The following QNG1 variants were observed in gnomAD, a reference collection of about 807,000 sequenced individuals.
The protein encoded by QNG1 is Q-nucleotide N-glycosylase 1, also known as queuosine 5'-phosphate N-glycosylase/hydrolase.
At chr9:83,951,677 A>G in the QNG1 span, among the ~76,000 whole-genome samples, 8 of 152,236 alleles carry the variant, frequency 5.3e-5, no homozygotes, top group African/African-American at 1.7e-4. Flanking sequence ...GTCATAAGAA[A>G]GCCAATTTGC....
the QNG1 span, among the ~76,000 whole-genome samples, chr9:83,948,125 G>A: frequency 1.1e-4 from 17 of 148,610 alleles, no homozygotes; most frequent in African/African-American, 4.0e-4. Context: ...CTGCCCCGCC[G>A]CCCCGTCTGG....
chr9:83,948,085 T>C, the QNG1 span, among the ~76,000 whole-genome samples: 1 of 144,558 alleles, frequency 6.9e-6, no homozygotes, highest in Non-Finnish European at 1.5e-5. Context: ...TCTGCCCGGC[T>C]GCCCATCGTC....
the QNG1 span, among the ~76,000 whole-genome samples, chr9:83,943,953 G>A: frequency 6.6e-6 from 1 of 152,066 alleles, no homozygotes. Flanking sequence ...CCTGGGAGGC[G>A]GAGCTTGCAG....
At chr9:83,956,346 A>G in the QNG1 span, 1 of 1,612,534 alleles carries the variant, frequency 6.2e-7, no homozygotes, top group Non-Finnish European at 8.5e-7. Context: ...CAGCTCATGA[A>G]GGGCTTTCCA....
the QNG1 span, among the ~76,000 whole-genome samples, chr9:83,941,537 G>A: frequency 6.6e-6 from 1 of 152,108 alleles, no homozygotes; most frequent in African/African-American, 2.4e-5. Context: ...GCTGCAGTGA[G>A]TTATGATCAT....
At chr9:83,956,407 C>A in the QNG1 span, 1 of 1,595,264 alleles carries the variant, frequency 6.3e-7, no homozygotes, top group South Asian at 1.1e-5. Context: ...AGCAGCTCTG[C>A]CACCCTCCGT....
At chr9:83,956,391 G>A in the QNG1 span, 9 of 1,601,478 alleles carry the variant, frequency 5.6e-6, no homozygotes, top group Admixed American at 1.4e-4. Context: ...CGCCGCCTTG[G>A]CCAGCAGCAG....
the QNG1 span, among the ~76,000 whole-genome samples, chr9:83,945,757 C>T: frequency 3.9e-5 from 6 of 152,030 alleles, no homozygotes; most frequent in East Asian, 2.0e-4. Context: ...GCCGTCACCA[C>T]GCCCGGCTAA....
At chr9:83,939,057 TTTG>T in the QNG1 span, 1,817 of 171,252 alleles carry the variant, frequency 0.011, 25 homozygotes, top group African/African-American at 0.037. Flanking sequence ...CCTAGGAAGT[TTTG>T]TTGTTGTTGT....
chr9:83,953,423 C>T, the QNG1 span, among the ~76,000 whole-genome samples: 1 of 151,032 alleles, frequency 6.6e-6, no homozygotes, highest in Non-Finnish European at 1.5e-5. Flanking sequence ...TCTCAGCTCA[C>T]TGCAACCTTC....
chr9:83,956,545 C>G, the QNG1 span: 1 of 1,488,370 alleles, frequency 6.7e-7, no homozygotes, highest in Non-Finnish European at 9.0e-7. Context: ...CCGCCCTAGG[C>G]GGGTCAAGGT....
chr9:83,942,746 G>T, the QNG1 span, among the ~76,000 whole-genome samples: 1 of 152,180 alleles, frequency 6.6e-6, no homozygotes, highest in Non-Finnish European at 1.5e-5. Context: ...AGTGGCAAAA[G>T]AATTTGTCCA....
At chr9:83,940,849 C>G in the QNG1 span, among the ~76,000 whole-genome samples, 5,019 of 152,224 alleles carry the variant, frequency 0.033, 263 homozygotes, top group African/African-American at 0.11. Context: ...TACTTATGCC[C>G]CCTCCATCCA....
the QNG1 span, chr9:83,953,826 ATCATTTGT>A: frequency 4.5e-6 from 7 of 1,547,836 alleles, no homozygotes; most frequent in Non-Finnish European, 6.1e-6. Context: ...CAAAATGATC[ATCATTTGT>A]TCAAGTACAC....
chr9:83,953,696 C>T, the QNG1 span: 1 of 828,298 alleles, frequency 1.2e-6, no homozygotes, highest in Non-Finnish European at 1.9e-6. Flanking sequence ...CCAGCTCTGT[C>T]ACCCAGGCTG....
At chr9:83,946,040 C>T in the QNG1 span, among the ~76,000 whole-genome samples, 36 of 152,114 alleles carry the variant, frequency 2.4e-4, 1 homozygote, top group African/African-American at 8.4e-4. Flanking sequence ...GGCATGGTGG[C>T]TCACGCCTGT....
chr9:83,947,559 G>A, the QNG1 span, among the ~76,000 whole-genome samples: 2 of 152,312 alleles, frequency 1.3e-5, no homozygotes, highest in South Asian at 4.1e-4. Context: ...TCCCTCTGAT[G>A]CCGAGGGGAG....
the QNG1 span, chr9:83,939,486 T>C: frequency 6.7e-7 from 1 of 1,503,236 alleles, no homozygotes; most frequent in African/African-American, 1.4e-5. Context: ...CAGGGGGTTT[T>C]CTTTGGATCA....
the QNG1 span, among the ~76,000 whole-genome samples, chr9:83,950,596 C>CTT: frequency 1.7e-5 from 2 of 118,320 alleles, no homozygotes; most frequent in Admixed American, 8.5e-5. Context: ...CTTTTCTTTT[C>CTT]TTTTTTTTTT....
Sources: gnomAD v4.1 joint callset for allele counts (sites outside exome capture counted in the v4.1 genomes callset) on GRCh38, gnomAD v4.1.1 for gene constraint, MANE v1.5 for transcripts, NCBI Gene and HGNC (gene_info 2026-07-23, HGNC 2026-07-21) for gene names.